The following NARF variants were observed in gnomAD, a reference collection of about 807,000 sequenced individuals.
The protein encoded by NARF is nuclear prelamin A recognition factor, also known as iron-only hydrogenase-like protein 2.
NARF carries 41 observed loss-of-function variants against 48.0 expected under a neutral mutation model. The observed-to-expected ratio is 0.85, with a 90% CI of 0.66 to 1.11. The LOEUF (loss-of-function observed/expected upper bound fraction) is 1.11. Ranked by LOEUF, NARF falls within the 50% of genes least tolerant of loss-of-function variation. The pLI is 0.00. For missense variants in NARF, 613 were observed against 590.2 expected, an observed-to-expected ratio of 1.04 and a Z score of -0.40; for synonymous variants, 215 against 225.5, an observed-to-expected ratio of 0.95 and a Z score of 0.42.
rs1030651259 is a variant in NARF at position 82,488,265 on chromosome 17, C to G, written c.*108C>G. On this transcript the variant is annotated 3_prime_UTR_variant, in exon 11 of 11. Transcript: ENST00000309794. ...ATTAAAGACACTTAAGAAAACCGCT[C>G]AATGGATTACTTTGGTTTCTCCGAG... is the stretch of plus-strand genomic sequence containing the variant. 4.8e-6 allele frequency: 7 copies of G among 1,466,484 alleles called. No homozygotes were observed. Among genetic ancestry groups the G allele is most frequent in the Middle Eastern group, 2.5e-4 (1 of 3,978 alleles). 90.8% of individuals were successfully genotyped at this position (1,466,484 alleles called of 1,614,324 possible). A position where few individuals can be genotyped will look rare whatever the true frequency, so the allele number is the denominator to read the frequency against.
intron 10 of NARF, among the ~76,000 whole-genome samples, chr17:82,486,940 G>A (rs1233774488): frequency 8.5e-5 from 13 of 152,190 alleles, no homozygotes; most frequent in Admixed American, 7.9e-4. Flanking sequence ...GGGTGTGTGG[G>A]CTCATGGCTG....
chr17:82,478,848 A>G lies in NARF; in HGVS notation c.569A>G (p.His190Arg), dbSNP rs777747997. The G allele has an allele frequency of 1.2e-6, 2 of 1,613,700 alleles. No homozygotes were observed. The highest frequency in any genetic ancestry group is 2.7e-5 in the African/African-American group (2 of 74,870). Residue 190 changes from histidine to arginine, a missense_variant, in exon 6 of 11, where the codon CAC (histidine) becomes CGC (arginine). By Grantham distance (29) the His-to-Arg change is conservative. Coordinates refer to ENST00000309794, the MANE Select transcript of NARF (RefSeq NM_012336.4). ...ERVLGRPITA[H>R]LCTAKSPQQV... Reference sequence around the variant, plus strand: ...GTGCTGGGTCGCCCCATCACTGCCCACCTCTGCACCGCCAAGTCCCCCCAG... The same window carrying G: ...GTGCTGGGTCGCCCCATCACTGCCCGCCTCTGCACCGCCAAGTCCCCCCAG...
chr17:82,458,550 T>G, upstream of NARF: 1 of 429,626 alleles, frequency 2.3e-6, no homozygotes, highest in Non-Finnish European at 3.9e-6. Flanking sequence ...GCGCTCCGAT[T>G]GGCTCTGGGG....
upstream of NARF, chr17:82,458,629 C>T: frequency 1.3e-6 from 1 of 784,114 alleles, no homozygotes; most frequent in East Asian, 3.4e-5. Flanking sequence ...ATCCTATTGG[C>T]CCAGGGGTGC....
At chr17:82,473,869 A>T (rs964724465) in intron 5 of NARF, among the ~76,000 whole-genome samples, 4 of 152,146 alleles carry the variant, frequency 2.6e-5, no homozygotes, top group Admixed American at 2.6e-4. Flanking sequence ...CTAATTTTTT[A>T]AATAAATATT....
rs750799682 is a variant in NARF, at chr17:82,472,610, C to T, written c.432C>T (p.Ile144=). ...FDTTIAADFS[I]LESQKEFVRR... Reference sequence around the variant, plus strand: ...CGACGATAGCTGCGGATTTTAGTATCCTGGAGAGTCAAAAAGAATTCGTGC... The same window carrying T: ...CGACGATAGCTGCGGATTTTAGTATTCTGGAGAGTCAAAAAGAATTCGTGC... The change falls in exon 5 of 11, where the codon ATC becomes ATT. Residue 144 remains isoleucine (I), a synonymous_variant. Coordinates refer to ENST00000309794, the MANE Select transcript of NARF (RefSeq NM_012336.4). 8.1e-6 allele frequency: 13 copies of T among 1,613,556 alleles called. No individual in the cohort carries two copies. The highest frequency in any genetic ancestry group is 1.7e-5 in the Admixed American group (1 of 59,950).
chr17:82,478,362 T>C (rs558269283), intron 5 of NARF, among the ~76,000 whole-genome samples: 10 of 152,344 alleles, frequency 6.6e-5, no homozygotes, highest in African/African-American at 2.4e-4. Flanking sequence ...GCTGTTAGTT[T>C]CTCGCCGGTG....
chr17:82,473,620 G>A (rs1235401138), intron 5 of NARF, among the ~76,000 whole-genome samples: 2 of 151,778 alleles, frequency 1.3e-5, no homozygotes, highest in Non-Finnish European at 2.9e-5. Context: ...CAAAATGCTG[G>A]GATTACAGGC....
chr17:82,476,249 C>G (rs569205591), intron 5 of NARF, among the ~76,000 whole-genome samples: 34 of 152,164 alleles, frequency 2.2e-4, no homozygotes, highest in Admixed American at 9.2e-4. Flanking sequence ...CTCAGGTGAT[C>G]GCCCGCCTCA....
intron 1 of NARF, 132 bp downstream of exon 1, chr17:82,458,962 C>G: frequency 8.2e-7 from 1 of 1,220,870 alleles, no homozygotes; most frequent in Non-Finnish European, 1.0e-6. Context: ...CCTCGGCACC[C>G]TGGGCCCGCT....
chr17:82,458,243 TG>T (rs1453819621), upstream of NARF: 1 of 152,596 alleles, frequency 6.6e-6, no homozygotes, highest in African/African-American at 2.4e-5. Context: ...ACGAGGGCTG[TG>T]CCCCCGGCCC....
In NARF at chr17:82,472,923, TATTTA is replaced by T. The variant is rs773991917; in HGVS notation, c.520+230_520+234del. ...CACTGGAAAGGCCAGTATGGTTATT[TATTTA>T]ATTTTATTTTATTTTTATTATTTTT... On this transcript the variant is annotated intron_variant, in intron 5 of 10. Transcript: ENST00000309794. Among the ~76,000 whole-genome samples the T allele has an allele frequency of 4.0e-3, 605 of 151,988 alleles. 8 individuals are homozygous for T. The highest frequency in any genetic ancestry group is 0.017 in the Middle Eastern group (5 of 294).
intron 7 of NARF, chr17:82,482,291 A>G (rs747642693): frequency 3.9e-5 from 16 of 408,528 alleles, no homozygotes; most frequent in South Asian, 1.7e-4. Context: ...TCCCCACCCC[A>G]TAGGCACAGG....
At chr17:82,469,698 C>T (rs1315038359) in intron 4 of NARF, among the ~76,000 whole-genome samples, 10 of 152,202 alleles carry the variant, frequency 6.6e-5, no homozygotes, top group African/African-American at 9.6e-5. Context: ...CTCCGCCTCC[C>T]GGGTTCAAGA....
chr17:82,487,985 T>C lies in NARF; in HGVS notation c.1199T>C (p.Met400Thr). ...GHADKALLRQMEGIYADIPVR... is the reference protein window; with the variant it reads ...GHADKALLRQTEGIYADIPVR... ...GCGGATAAGGCCCTGCTGCGGCAGA[T>C]GGAAGGCATTTACGCTGACATCCCT... Residue 400 changes from methionine (M) to threonine (T), a missense_variant, in exon 11 of 11, where the codon ATG (methionine) becomes ACG (threonine). Transcript: ENST00000309794. 6.2e-7 allele frequency: 1 copy of C among 1,614,194 alleles called. No individual in the cohort carries two copies. The highest frequency in any genetic ancestry group is 8.5e-7 in the Non-Finnish European group (1 of 1,180,038).
chr17:82,478,611 C>T (rs2043888212), intron 5 of NARF, 189 bp from the exon 6 acceptor site: 2 of 675,418 alleles, frequency 3.0e-6, no homozygotes, highest in Non-Finnish European at 5.4e-6. Context: ...CCTGCAGGTT[C>T]CCATGACCCA....
At chr17:82,473,923 G>A (rs1376861209) in intron 5 of NARF, among the ~76,000 whole-genome samples, 1 of 152,086 alleles carries the variant, frequency 6.6e-6, no homozygotes, top group East Asian at 1.9e-4. Context: ...GTGGCTCACA[G>A]CCATAATCCC....
chr17:82,487,942 CAG>C lies in NARF; in HGVS notation c.1158_1159del (p.Gln386HisfsTer8), dbSNP rs751129617. The C allele has an allele frequency of 1.2e-6, 2 of 1,614,200 alleles. No individual in the cohort carries two copies. Among genetic ancestry groups the C allele is most frequent in the Non-Finnish European group, 1.7e-6 (2 of 1,180,038 alleles). On this transcript the variant is annotated frameshift_variant, in exon 11 of 11. Coordinates refer to ENST00000309794, the MANE Select transcript of NARF (RefSeq NM_012336.4). LOFTEE classifies it low-confidence loss of function (END_TRUNC). ...GGCLNGRGQA[Q>X]TPDGHADKAL... ...ATGCTTAAATGGCAGAGGCCAAGCC[CAG>C]ACTCCAGACGGACATGCGGATAAGG...
chr17:82,483,866 G>A, intron 8 of NARF, 87 bp downstream of exon 8: 1 of 1,271,336 alleles, frequency 7.9e-7, no homozygotes, highest in Non-Finnish European at 1.1e-6. Context: ...GGGCTGCCCT[G>A]CTTTATGACG....
Sources: gnomAD v4.1 joint callset for allele counts (sites outside exome capture counted in the v4.1 genomes callset) on GRCh38, gnomAD v4.1.1 for gene constraint, MANE v1.5 for transcripts, NCBI Gene and HGNC (gene_info 2026-07-23, HGNC 2026-07-21) for gene names.